Variants in ELMOD2 observed in about 807,000 individuals in gnomAD.
ELMOD2 encodes ELMO domain containing 2.
A neutral mutation model predicts 41.0 loss-of-function variants in ELMOD2; 28 were observed. The ratio of observed to expected loss-of-function variants is 0.68; its 90% CI spans 0.51 to 0.94. The LOEUF is 0.94. Among genes scored for constraint, ELMOD2 ranks in the 40% least tolerant of loss-of-function variants. ELMOD2 has a pLI of 0.00. For missense variants in ELMOD2, 333 were observed against 343.1 expected, an observed-to-expected ratio of 0.97 and a Z score of 0.23; for synonymous variants, 106 against 107.2, an observed-to-expected ratio of 0.99 and a Z score of 0.07.
intron 3 of ELMOD2, among the ~76,000 whole-genome samples, chr4:140,532,471 A>AGGCC (rs1456196190): frequency 6.6e-6 from 1 of 152,202 alleles, no homozygotes; most frequent in African/African-American, 2.4e-5. Flanking sequence ...CTGGCCTGTC[A>AGGCC]TGTTGAGTTT....
chr4:140,534,496 CAG>C (rs1245588170), intron 3 of ELMOD2, among the ~76,000 whole-genome samples: 1 of 152,094 alleles, frequency 6.6e-6, no homozygotes, highest in Admixed American at 6.6e-5. Context: ...TTTGTCAAAA[CAG>C]ATCAGACAAC....
chr4:140,527,542 A>G, intron 3 of ELMOD2, 48 bp downstream of exon 3: 1 of 1,483,216 alleles, frequency 6.7e-7, no homozygotes, highest in Non-Finnish European at 9.1e-7. Flanking sequence ...ACGTGGACAT[A>G]TTTTTTCTTA....
chr4:140,525,643 GATGT>G (rs766462274), intron 2 of ELMOD2, 73 bp downstream of exon 2: 1 of 1,472,214 alleles, frequency 6.8e-7, no homozygotes, highest in Non-Finnish European at 9.0e-7. Flanking sequence ...CACAGTGACA[GATGT>G]ATTTCTTTTG....
At chr4:140,549,201 T>A (rs1400832033) in intron 8 of ELMOD2, among the ~76,000 whole-genome samples, 2 of 152,242 alleles carry the variant, frequency 1.3e-5, no homozygotes, top group African/African-American at 2.4e-5. Context: ...TGTGTATTAA[T>A]AGCTTTTTTA....
intron 3 of ELMOD2, among the ~76,000 whole-genome samples, chr4:140,533,718 T>A (rs186371520): frequency 4.3e-4 from 66 of 152,270 alleles, no homozygotes; most frequent in African/African-American, 1.5e-3. Flanking sequence ...ATGTATCTGA[T>A]AAGGGACTTG....
At chr4:140,533,303 A>G (rs1734809001) in intron 3 of ELMOD2, among the ~76,000 whole-genome samples, 1 of 152,194 alleles carries the variant, frequency 6.6e-6, no homozygotes, top group Admixed American at 6.5e-5. Flanking sequence ...CCTGACTTTA[A>G]GACTTTATAG....
At chr4:140,542,527 A>G (rs371769622) in intron 6 of ELMOD2, 47 bp from the exon 7 acceptor site, 6 of 1,425,188 alleles carry the variant, frequency 4.2e-6, no homozygotes, top group African/African-American at 1.4e-5. Flanking sequence ...GATATCTTAC[A>G]TTTGAATGGC....
At chr4:140,529,117 A>C (rs763090307) in intron 3 of ELMOD2, among the ~76,000 whole-genome samples, 7 of 152,172 alleles carry the variant, frequency 4.6e-5, no homozygotes, top group Non-Finnish European at 7.4e-5. Flanking sequence ...ATTGGGCCCC[A>C]TCCCCGGAAT....
chr4:140,540,715 C>T (rs1271425541), intron 6 of ELMOD2, among the ~76,000 whole-genome samples: 2 of 149,300 alleles, frequency 1.3e-5, no homozygotes, highest in African/African-American at 4.9e-5. Flanking sequence ...CCACCTCCAG[C>T]CTGGGTGACA....
chr4:140,550,351 T>C lies in ELMOD2; in HGVS notation c.858T>C (p.Asn286=), dbSNP rs1735434728. 1 of 1,606,436 alleles carries C rather than the reference T, an allele frequency of 6.2e-7. No individual in the cohort carries two copies. The highest frequency in any genetic ancestry group is 8.5e-7 in the Non-Finnish European group (1 of 1,177,324). Residue 286 remains asparagine, a synonymous_variant, in exon 9 of 9, where the codon AAT becomes AAC. Coordinates refer to ENST00000323570, the MANE Select transcript of ELMOD2 (RefSeq NM_153702.4). ...TTAAAGGACTTTTACTGGATTGTAA[T>C]GTAGCACTTACTTTAAAAGTATAAA... is the stretch of plus-strand genomic sequence containing the variant. The part of the protein sequence containing the change: ...EKIKGLLLDC[N]VALTLKV
In ELMOD2 at chr4:140,551,297, T is replaced by G. The variant is rs987923742; in HGVS notation, c.*922T>G. The G allele has an allele frequency of 1.3e-5, 2 of 152,204 alleles. No homozygotes were observed. The highest frequency in any genetic ancestry group is 2.1e-4 in the South Asian group (1 of 4,830). 9.4% of individuals were successfully genotyped at this position (152,204 alleles called of 1,614,324 possible). On this transcript the variant is annotated 3_prime_UTR_variant, in exon 9 of 9. Transcript: ENST00000323570. ...AACTGTCTTTGAAACTTAAGAAAGC[T>G]TAAGTTTTAAAAAAATCTCAGTTAA...
chr4:140,543,970 T>A (rs1013620739), intron 8 of ELMOD2, among the ~76,000 whole-genome samples: 22 of 152,142 alleles, frequency 1.4e-4, no homozygotes, highest in Non-Finnish European at 2.8e-4. Context: ...AAATTTAATT[T>A]AGAGGAACTT....
Position 140,540,181 on chromosome 4 carries a change from T to A in ELMOD2, c.413T>A (p.Leu138Gln). 6.2e-7 allele frequency: 1 copy of A among 1,614,128 alleles called. No individual in the cohort carries two copies. Among genetic ancestry groups the A allele is most frequent in the Non-Finnish European group, 8.5e-7 (1 of 1,180,012 alleles). The change falls in exon 6 of 9, where the codon CTA becomes CAA. Residue 138 changes from leucine (L) to glutamine (Q), a missense_variant. Physicochemically the swap from Leu to Gln is moderately radical, Grantham distance 113. Coordinates refer to ENST00000323570, the MANE Select transcript of ELMOD2 (RefSeq NM_153702.4). ...ATATTTGTACAGCTTTGGAATCTTC[T>A]AATGCCCACGAAGAAGTTAAACGCT... is the stretch of plus-strand genomic sequence containing the variant. ...EELLMKLWNL[L>Q]MPTKKLNARI...
intron 6 of ELMOD2, 155 bp from the exon 7 acceptor site, chr4:140,542,419 G>T (rs2110867392): frequency 5.5e-6 from 3 of 542,164 alleles, no homozygotes; most frequent in Middle Eastern, 4.9e-4. Flanking sequence ...TGATTCAGAA[G>T]CATTTGTGAA....
At chr4:140,526,596 G>A (rs1560822474) in intron 2 of ELMOD2, 1 of 152,088 alleles carries the variant, frequency 6.6e-6, no homozygotes, top group Non-Finnish European at 1.5e-5. Flanking sequence ...GTGGAGTATT[G>A]GCAAATGGAA....
intron 3 of ELMOD2, among the ~76,000 whole-genome samples, chr4:140,535,137 T>TCTCTCTC (rs1560827004): frequency 0.03 from 4,274 of 141,444 alleles, 131 homozygotes; most frequent in Non-Finnish European, 0.046. Context: ...ATCTGTTTCT[T>TCTCTCTC]TCTCTCTCTC....
chr4:140,543,585 C>T lies in ELMOD2; in HGVS notation c.735C>T (p.Tyr245=), dbSNP rs2110870863. 2 of 1,582,852 alleles carry T rather than the reference C, an allele frequency of 1.3e-6. No homozygotes were observed. The highest frequency in any genetic ancestry group is 1.4e-5 in the African/African-American group (1 of 73,292). ...CAATGGAACACTTTCATCAGTTTTA[C>T]TGTGAGTATTAAAATGAGTTAAAAC... is the stretch of plus-strand genomic sequence containing the variant. ...IPTMEHFHQF[Y]CYLVYEFDKF... The change falls in exon 8 of 9, where the codon TAC becomes TAT. Residue 245 remains tyrosine (Y), a splice_region_variant and synonymous_variant. Coordinates refer to ENST00000323570, the MANE Select transcript of ELMOD2 (RefSeq NM_153702.4).
intron 3 of ELMOD2, among the ~76,000 whole-genome samples, chr4:140,530,852 T>A (rs1193804284): frequency 6.6e-6 from 1 of 152,172 alleles, no homozygotes; most frequent in Non-Finnish European, 1.5e-5. Context: ...TTGGTTTACC[T>A]AATTACATTT....
chr4:140,541,503 T>G (rs1277083166), intron 6 of ELMOD2, among the ~76,000 whole-genome samples: 1 of 152,094 alleles, frequency 6.6e-6, no homozygotes, highest in African/African-American at 2.4e-5. Flanking sequence ...ATATAAATAG[T>G]CAACTGAGGG....
Sources: gnomAD v4.1 joint callset for allele counts (sites outside exome capture counted in the v4.1 genomes callset) on GRCh38, gnomAD v4.1.1 for gene constraint, MANE v1.5 for transcripts, NCBI Gene and HGNC (gene_info 2026-07-23, HGNC 2026-07-21) for gene names.